The following NOTCH2NLB variants were observed in gnomAD, a reference collection of about 807,000 sequenced individuals.
NOTCH2NLB encodes notch 2 N-terminal like B, also known as notch homolog 2 N-terminal-like protein B.
In NOTCH2NLB, 1 loss-of-function variant was observed where a neutral mutation model predicts 14.8. The ratio of observed to expected loss-of-function variants is 0.07; its 90% CI spans 0.02 to 0.32. NOTCH2NLB has a LOEUF of 0.32. Ranked by LOEUF, NOTCH2NLB falls within the 10% of genes least tolerant of loss-of-function variation. The probability of loss-of-function intolerance (pLI) is 1.00; values close to 1 mark genes in which losing one functional copy is unlikely to be tolerated. For synonymous variants in NOTCH2NLB, 6 were observed against 57.5 expected, an observed-to-expected ratio of 0.10 and a Z score of 4.05; for missense variants, 11 against 155.0, an observed-to-expected ratio of 0.07 and a Z score of 4.93.
At position 148,637,192 on chromosome 1, in the gene NOTCH2NLB, C is replaced by T. The variant is rs1244634080; in HGVS notation, c.77+2824G>A. Among the ~76,000 whole-genome samples the T allele has an allele frequency of 3.4e-3, 488 of 145,272 alleles. 37 individuals are homozygous for T. Among genetic ancestry groups the T allele is most frequent in the African/African-American group, 0.012 (452 of 38,336 alleles). Reference sequence around the variant, plus strand: ...CAGGCCATTCTCCTGCCTCAGCCTCCTGAGTAACTGGGATTACAGGTGCGT... The same window carrying T: ...CAGGCCATTCTCCTGCCTCAGCCTCTTGAGTAACTGGGATTACAGGTGCGT... On this transcript the variant is annotated intron_variant, in intron 2 of 4. Coordinates refer to ENST00000593495, the Ensembl canonical transcript of NOTCH2NLB.
chr1:148,703,228 T>G, the NOTCH2NLB span, among the ~76,000 whole-genome samples: 1 of 110,446 alleles, frequency 9.1e-6, no homozygotes. Flanking sequence ...AGGCGGAGCT[T>G]GCAGTGAGCC....
intron 1 of NOTCH2NLB, among the ~76,000 whole-genome samples, chr1:148,670,529 TAAAAAAAA>T (rs1222724470): frequency 1.5e-3 from 141 of 96,026 alleles, no homozygotes; most frequent in East Asian, 9.0e-3. Context: ...GTTCATAAAC[TAAAAAAAA>T]AAATATATAT....
Position 148,633,425 on chromosome 1 carries a change from C to T in NOTCH2NLB, c.77+6591G>A, listed in dbSNP as rs1258459563. On this transcript the variant is annotated intron_variant, in intron 2 of 4. Transcript: ENST00000593495. ...AAAATTAGCCGGGCGTGGTGGCGGG[C>T]GCTTGTAGTCCCGGCTACTTGAGAG... 1.3e-4 allele frequency among the ~76,000 whole-genome samples: 11 copies of T among 84,018 alleles called. 1 individual carries two copies. The East Asian group carries it at 2.7e-3, about 21-fold the overall frequency. The allele number at this position is 84,018 out of a possible 152,430, so 55.1% of individuals were successfully genotyped here.
At chr1:148,651,162 A>AAAATATAT (rs1553341433) in intron 1 of NOTCH2NLB, among the ~76,000 whole-genome samples, 3 of 46,038 alleles carry the variant, frequency 6.5e-5, no homozygotes, top group Admixed American at 5.4e-4. Context: ...AAAAAAAAAA[A>AAAATATAT]ATATATATAT....
chr1:148,661,432 AAAT>A, intron 1 of NOTCH2NLB, among the ~76,000 whole-genome samples: 1 of 149,658 alleles, frequency 6.7e-6, no homozygotes, highest in Non-Finnish European at 1.5e-5. Context: ...TTGAAATTTA[AAAT>A]ATTACCAAAG....
At chr1:148,694,072 CT>C in the NOTCH2NLB span, among the ~76,000 whole-genome samples, 47 of 132,382 alleles carry the variant, frequency 3.6e-4, no homozygotes, top group Non-Finnish European at 7.2e-4. Context: ...GTGGGTTTTC[CT>C]GAATATTTCC....
intron 2 of NOTCH2NLB, among the ~76,000 whole-genome samples, chr1:148,633,021 T>C (rs1265265198): frequency 1.7e-5 from 2 of 119,150 alleles, no homozygotes; most frequent in Non-Finnish European, 3.3e-5. Flanking sequence ...TTTAGTGTTC[T>C]AGAATGATAT....
At chr1:148,704,287 T>C in the NOTCH2NLB span, among the ~76,000 whole-genome samples, 268 of 52,544 alleles carry the variant, frequency 5.1e-3, 67 homozygotes, top group East Asian at 0.061. Context: ...TCTGTAATTG[T>C]ATAAGGGAGG....
chr1:148,622,079 T>C (rs1166694207), intron 2 of NOTCH2NLB, among the ~76,000 whole-genome samples: 1 of 87,148 alleles, frequency 1.1e-5, no homozygotes, highest in Non-Finnish European at 2.1e-5. Flanking sequence ...AGATTAAGAT[T>C]TTACAGCTAG....
At chr1:148,670,577 T>TAA (rs1270098712) in intron 1 of NOTCH2NLB, among the ~76,000 whole-genome samples, 654 of 132,850 alleles carry the variant, frequency 4.9e-3, no homozygotes, top group Admixed American at 0.032. Flanking sequence ...TATATATATA[T>TAA]AAATAAATCA....
At chr1:148,637,575 A>C (rs1664235934) in intron 2 of NOTCH2NLB, among the ~76,000 whole-genome samples, 1 of 148,542 alleles carries the variant, frequency 6.7e-6, no homozygotes, top group Admixed American at 6.7e-5. Flanking sequence ...GAAATACATA[A>C]ATTTTTTTTA....
intron 1 of NOTCH2NLB, among the ~76,000 whole-genome samples, chr1:148,648,137 G>T: frequency 7.0e-6 from 1 of 142,766 alleles, no homozygotes; most frequent in African/African-American, 2.6e-5. Flanking sequence ...TTATAATATT[G>T]AACTCATTGC....
chr1:148,649,593 C>T (rs1664448240), intron 1 of NOTCH2NLB, among the ~76,000 whole-genome samples: 1 of 150,654 alleles, frequency 6.6e-6, no homozygotes, highest in Non-Finnish European at 1.5e-5. Flanking sequence ...TCACTGCAAG[C>T]TCCTCCTCCT....
chr1:148,661,493 C>A (rs1321314445), intron 1 of NOTCH2NLB, among the ~76,000 whole-genome samples: 1 of 148,016 alleles, frequency 6.8e-6, no homozygotes, highest in Admixed American at 6.7e-5. Context: ...CTATTAATTT[C>A]AACCTGTCGT....
chr1:148,631,013 C>T (rs1664090934), intron 2 of NOTCH2NLB, among the ~76,000 whole-genome samples: 1 of 128,386 alleles, frequency 7.8e-6, no homozygotes, highest in Admixed American at 7.4e-5. Flanking sequence ...AAAAATTAAA[C>T]TTTTGTTTGA....
rs1192224555 is a variant in NOTCH2NLB at position 148,637,571 on chromosome 1, C to A, written c.77+2445G>T. ...ACCACCCTGAATGCTATGTGAAATA[C>A]ATAAATTTTTTTTAAATTTTGCTTT... is the stretch of plus-strand genomic sequence containing the variant. On this transcript the variant is annotated intron_variant, in intron 2 of 4. Transcript: ENST00000593495. Among the ~76,000 whole-genome samples, 77 of 148,708 alleles carry A rather than the reference C, an allele frequency of 5.2e-4. 4 individuals are homozygous for A. Among genetic ancestry groups the A allele is most frequent in the African/African-American group, 1.9e-3 (76 of 39,722 alleles).
At chr1:148,700,921 G>A in the NOTCH2NLB span, among the ~76,000 whole-genome samples, 1 of 74,124 alleles carries the variant, frequency 1.3e-5, no homozygotes, top group Non-Finnish European at 2.7e-5. Context: ...ATTGCTTTTG[G>A]TATTTTTGCC....
In NOTCH2NLB at chr1:148,633,280, G is replaced by A. The variant is rs1307220481; in HGVS notation, c.77+6736C>T. On this transcript the variant is annotated intron_variant, in intron 2 of 4. Coordinates refer to ENST00000593495, the Ensembl canonical transcript of NOTCH2NLB. Reference sequence around the variant, plus strand: ...AAAAAACCTATGTCCTCAGCTGGGCGTGGTGGCTCACGCCTGTAATCCCAG... The same window carrying A: ...AAAAAACCTATGTCCTCAGCTGGGCATGGTGGCTCACGCCTGTAATCCCAG... Among the ~76,000 whole-genome samples, 39 of 123,898 alleles carry A rather than the reference G, an allele frequency of 3.1e-4. 9 individuals are homozygous for A. The East Asian group carries it at 8.7e-3, about 28-fold the overall frequency. 81.3% of individuals were successfully genotyped at this position (123,898 alleles called of 152,430 possible). A position where few individuals can be genotyped will look rare whatever the true frequency, so the allele number is the denominator to read the frequency against.
At position 148,607,716 on chromosome 1, in the gene NOTCH2NLB, G is replaced by A; in HGVS notation, c.367C>T (p.Leu123=). 3 of 1,223,576 alleles carry A rather than the reference G, an allele frequency of 2.5e-6. 1 individual carries two copies. Among genetic ancestry groups the A allele is most frequent in the Non-Finnish European group, 3.5e-6 (3 of 862,668 alleles). 75.8% of individuals were successfully genotyped at this position (1,223,576 alleles called of 1,614,324 possible). A position where few individuals can be genotyped will look rare whatever the true frequency, so the allele number is the denominator to read the frequency against. ...CTTCCATTTGCACAGGGATGAGACAGGCAGGCATCGGTCCATTGGCACTCC... is the reference window on the plus strand; with the variant it reads ...CTTCCATTTGCACAGGGATGAGACAAGCAGGCATCGGTCCATTGGCACTCC... Residue 123 remains leucine (L), a synonymous_variant, in exon 4 of 5, where the codon CTG becomes TTG. Coordinates refer to ENST00000593495, the Ensembl canonical transcript of NOTCH2NLB.
Sources: gnomAD v4.1 joint callset for allele counts (sites outside exome capture counted in the v4.1 genomes callset) on GRCh38, gnomAD v4.1.1 for gene constraint, MANE v1.5 for transcripts, NCBI Gene and HGNC (gene_info 2026-07-23, HGNC 2026-07-21) for gene names.